TTC7A: variants seen among roughly 807,000 people sequenced by gnomAD.
The protein encoded by TTC7A is tetratricopeptide repeat domain 7A.
In TTC7A, 110 loss-of-function variants were observed where a neutral mutation model predicts 103.7. That is an observed-to-expected ratio of 1.06 (90% CI 0.91 to 1.24). The LOEUF (loss-of-function observed/expected upper bound fraction) is 1.24, where lower values mean the gene tolerates loss of function less well. TTC7A is among the 50% of genes most tolerant of loss of function. The pLI, the probability that TTC7A is intolerant of heterozygous loss-of-function variation, is 0.00. For synonymous variants in TTC7A, 521 were observed against 467.9 expected, an observed-to-expected ratio of 1.11 and a Z score of -1.47; for missense variants, 1,340 against 1,116.3, an observed-to-expected ratio of 1.20 and a Z score of -2.86.
intron 19 of TTC7A, among the ~76,000 whole-genome samples, chr2:47,062,494 A>G (rs557186143): frequency 1.3e-5 from 2 of 152,248 alleles, no homozygotes; most frequent in African/African-American, 2.4e-5. Context: ...TCCTCCCTCA[A>G]TTTAGACATT....
At chr2:46,965,889 A>G (rs948030685) in intron 3 of TTC7A, among the ~76,000 whole-genome samples, 2 of 151,974 alleles carry the variant, frequency 1.3e-5, no homozygotes, top group African/African-American at 2.4e-5. Flanking sequence ...AACTCTGGAG[A>G]AGGGTTAAAC....
intron 1 of TTC7A, among the ~76,000 whole-genome samples, chr2:46,944,099 G>A (rs1227823037): frequency 6.6e-6 from 1 of 152,174 alleles, no homozygotes; most frequent in Non-Finnish European, 1.5e-5. Flanking sequence ...GTCTAGATTA[G>A]GTCAGGATGG....
chr2:47,014,362 ATTCT>A, intron 11 of TTC7A, among the ~76,000 whole-genome samples: 1 of 152,182 alleles, frequency 6.6e-6, no homozygotes, highest in Non-Finnish European at 1.5e-5. Flanking sequence ...TCTGCACCTA[ATTCT>A]TGCTCCCTAG....
At chr2:47,025,703 T>C (rs55830528) in intron 14 of TTC7A, among the ~76,000 whole-genome samples, 28,676 of 152,132 alleles carry the variant, frequency 0.19, 3,040 homozygotes, top group African/African-American at 0.3. Context: ...GATGTCATCC[T>C]GGCTGTTGTT....
intron 17 of TTC7A, chr2:47,050,304 A>C (rs1682750538): frequency 1.9e-6 from 1 of 517,572 alleles, no homozygotes. Context: ...CTGGCTGAAA[A>C]GGTGGCTGTG....
At chr2:46,996,446 G>T (rs534413789) in intron 8 of TTC7A, among the ~76,000 whole-genome samples, 1 of 152,248 alleles carries the variant, frequency 6.6e-6, no homozygotes, top group African/African-American at 2.4e-5. Context: ...TGTTCCCTTG[G>T]ATGCCTGGGA....
upstream of TTC7A, chr2:46,916,035 T>C: frequency 2.0e-6 from 2 of 985,396 alleles, no homozygotes; most frequent in Non-Finnish European, 2.4e-6. Flanking sequence ...CTGGACGCCC[T>C]AGGGGCCCGG....
At chr2:46,995,800 A>G (rs932981315) in intron 8 of TTC7A, among the ~76,000 whole-genome samples, 2 of 152,262 alleles carry the variant, frequency 1.3e-5, no homozygotes, top group Admixed American at 1.3e-4. Context: ...GAGATGCCGC[A>G]GCAAACAAAA....
chr2:46,947,317 T>C (rs1276751284), intron 1 of TTC7A, among the ~76,000 whole-genome samples: 1 of 152,222 alleles, frequency 6.6e-6, no homozygotes, highest in Non-Finnish European at 1.5e-5. Context: ...TATAAAAAAG[T>C]GTCTGGCCCA....
intron 19 of TTC7A, among the ~76,000 whole-genome samples, chr2:47,070,243 T>C (rs1684557086): frequency 6.6e-6 from 1 of 152,254 alleles, no homozygotes; most frequent in African/African-American, 2.4e-5. Context: ...ACACTGTGCC[T>C]CTGCAGATGA....
chr2:47,054,297 G>A (rs772336219), intron 18 of TTC7A: 11 of 381,024 alleles, frequency 2.9e-5, no homozygotes, highest in Non-Finnish European at 4.0e-5. Flanking sequence ...CTGGGACAGC[G>A]ACTCTTCTGT....
chr2:46,996,777 G>A (rs951310265), intron 8 of TTC7A, among the ~76,000 whole-genome samples: 13 of 152,230 alleles, frequency 8.5e-5, no homozygotes, highest in Non-Finnish European at 1.8e-4. Flanking sequence ...TTTCATGGGA[G>A]AACAGTGTGC....
intron 15 of TTC7A, among the ~76,000 whole-genome samples, chr2:47,044,196 C>T (rs1195538807): frequency 6.6e-6 from 1 of 152,228 alleles, no homozygotes; most frequent in Non-Finnish European, 1.5e-5. Flanking sequence ...CTCCACCCTG[C>T]TTTTCACCAA....
chr2:47,050,362 C>A, intron 17 of TTC7A: 1 of 378,882 alleles, frequency 2.6e-6, no homozygotes, highest in Non-Finnish European at 5.0e-6. Flanking sequence ...GGCCACAGTC[C>A]ACGTAATGTC....
At chr2:47,027,279 G>A (rs1416434518) in intron 14 of TTC7A, among the ~76,000 whole-genome samples, 4 of 152,172 alleles carry the variant, frequency 2.6e-5, no homozygotes, top group African/African-American at 7.2e-5. Context: ...GGGCCCTGCC[G>A]TGCGCCTGGA....
At chr2:47,006,344 G>A (rs185574956) in intron 9 of TTC7A, among the ~76,000 whole-genome samples, 36 of 152,314 alleles carry the variant, frequency 2.4e-4, no homozygotes, top group African/African-American at 8.2e-4. Context: ...ACATGTCTAC[G>A]TTTTGAAAGC....
At chr2:46,975,599 T>TC in intron 4 of TTC7A, among the ~76,000 whole-genome samples, 1 of 152,250 alleles carries the variant, frequency 6.6e-6, no homozygotes, top group East Asian at 1.9e-4. Context: ...GGGTCTGGGT[T>TC]AACTGTCTGC....
chr2:47,034,953 C>G (rs551352052), intron 15 of TTC7A, among the ~76,000 whole-genome samples: 6 of 152,326 alleles, frequency 3.9e-5, no homozygotes, highest in African/African-American at 1.4e-4. Flanking sequence ...CCCAGGAAAC[C>G]TAGACTGTTT....
At chr2:46,957,481 G>C (rs555712729) in intron 3 of TTC7A, among the ~76,000 whole-genome samples, 7 of 152,354 alleles carry the variant, frequency 4.6e-5, no homozygotes, top group Admixed American at 1.3e-4. Context: ...CCACTCCTCA[G>C]TTATTTGTCG....
Sources: allele counts gnomAD v4.1 joint callset (sites outside exome capture counted in the v4.1 genomes callset), GRCh38; gene constraint gnomAD v4.1.1; transcripts MANE v1.5; gene names NCBI Gene and HGNC (gene_info 2026-07-23, HGNC 2026-07-21).